Variants in KCNQ3 observed in about 807,000 individuals in gnomAD.
KCNQ3 encodes potassium voltage-gated channel subfamily Q member 3.
Under a neutral mutation model 92.5 loss-of-function variants are expected in KCNQ3, and 30 were observed. The ratio of observed to expected loss-of-function variants is 0.32; its 90% CI spans 0.24 to 0.44. The LOEUF is 0.44. Among genes scored for constraint, KCNQ3 ranks in the 20% least tolerant of loss-of-function variants. KCNQ3 has a pLI of 1.00. For missense variants in KCNQ3, 913 were observed against 1,140.3 expected, an observed-to-expected ratio of 0.80 and a Z score of 2.87; for synonymous variants, 450 against 468.8, an observed-to-expected ratio of 0.96 and a Z score of 0.52.
At chr8:132,145,038 T>C (rs1864772) in intron 9 of KCNQ3, among the ~76,000 whole-genome samples, 116,222 of 152,126 alleles carry the variant, frequency 0.76, 44,790 homozygotes, top group Admixed American at 0.85. Context: ...CCTGGAGACA[T>C]TTGGTCGTCA....
intron 3 of KCNQ3, among the ~76,000 whole-genome samples, chr8:132,182,515 G>T (rs930836195): frequency 6.6e-6 from 1 of 152,254 alleles, no homozygotes; most frequent in African/African-American, 2.4e-5. Flanking sequence ...GGTGGAGGGG[G>T]ACCTGGAGCT....
rs775455116 is a variant in KCNQ3 at position 132,365,526 on chromosome 8, C to T, written c.386+114621G>A. Among the ~76,000 whole-genome samples the T allele has an allele frequency of 3.3e-5, 5 of 152,222 alleles. No homozygotes were observed. In the South Asian group the frequency reaches 6.2e-4, roughly 19 times the overall value. On this transcript the variant is annotated intron_variant, in intron 1 of 14. Transcript: ENST00000388996. ...ATGTGAACTCCCAGGGTTTTCAGGC[C>T]GGCTCTGACATTTTGCAGCTGTGTG...
chr8:132,163,527 T>C (rs781747102), intron 8 of KCNQ3, 33 bp from the exon 9 acceptor site: 12 of 1,580,464 alleles, frequency 7.6e-6, no homozygotes, highest in Admixed American at 3.3e-5. Flanking sequence ...AAATAAAGCA[T>C]AAATTACGTG....
At chr8:132,431,588 G>T (rs1396089707) in intron 1 of KCNQ3, among the ~76,000 whole-genome samples, 1 of 152,048 alleles carries the variant, frequency 6.6e-6, no homozygotes, top group Admixed American at 6.6e-5. Context: ...TGGCTCACCT[G>T]AGAGAGGACC....
chr8:132,292,709 G>A (rs1586901460), intron 1 of KCNQ3, among the ~76,000 whole-genome samples: 1 of 152,126 alleles, frequency 6.6e-6, no homozygotes, highest in Non-Finnish European at 1.5e-5. Flanking sequence ...TTCATCCATG[G>A]TTCCTGGCTC....
At position 132,480,609 on chromosome 8, in the gene KCNQ3, A is replaced by AGGCGGCGGC; in HGVS notation, c.-86_-78dup. 8.3e-7 allele frequency: 1 copy of AGGCGGCGGC among 1,202,562 alleles called. No homozygotes were observed. Among genetic ancestry groups the AGGCGGCGGC allele is most frequent in the Non-Finnish European group, 1.1e-6 (1 of 948,282 alleles). The allele number at this position is 1,202,562 out of a possible 1,614,324, so 74.5% of individuals were successfully genotyped here. A position where few individuals can be genotyped will look rare whatever the true frequency, so the allele number is the denominator to read the frequency against. On this transcript the variant is annotated 5_prime_UTR_variant, in exon 1 of 15. Coordinates refer to ENST00000388996, the MANE Select transcript of KCNQ3 (RefSeq NM_004519.4). Reference sequence around the variant, plus strand: ...AAGGGGCGCTCGGGGTGCGTGAACGAGGCGGCGGCGGCGGCTGCAAGCCCG... The same window carrying AGGCGGCGGC: ...AAGGGGCGCTCGGGGTGCGTGAACGAGGCGGCGGCGGCGGCGGCGGCGGCTGCAAGCCCG...
At chr8:132,198,015 G>C (rs1415956974) in intron 1 of KCNQ3, among the ~76,000 whole-genome samples, 1 of 152,198 alleles carries the variant, frequency 6.6e-6, no homozygotes, top group Non-Finnish European at 1.5e-5. Flanking sequence ...TCTGCTTAAA[G>C]TTGGCTGGGA....
At chr8:132,400,545 G>A (rs759327665) in intron 1 of KCNQ3, among the ~76,000 whole-genome samples, 11 of 152,192 alleles carry the variant, frequency 7.2e-5, no homozygotes, top group Non-Finnish European at 1.0e-4. Context: ...TGATGCCACC[G>A]CGGGTCCCTG....
At chr8:132,192,587 C>T (rs1316015245) in intron 1 of KCNQ3, among the ~76,000 whole-genome samples, 1 of 152,108 alleles carries the variant, frequency 6.6e-6, no homozygotes, top group Non-Finnish European at 1.5e-5. Flanking sequence ...TCTTCCTTTT[C>T]GTCTGTCCTT....
intron 1 of KCNQ3, among the ~76,000 whole-genome samples, chr8:132,471,653 C>G (rs767025350): frequency 6.6e-6 from 1 of 152,094 alleles, no homozygotes; most frequent in Non-Finnish European, 1.5e-5. Flanking sequence ...AAAGTAAGAT[C>G]TGAAACTATA....
intron 1 of KCNQ3, among the ~76,000 whole-genome samples, chr8:132,462,697 GCT>G (rs995217622): frequency 6.6e-6 from 1 of 152,122 alleles, no homozygotes; most frequent in Non-Finnish European, 1.5e-5. Context: ...TTTTACTGAG[GCT>G]CTTTGTCCCC....
intron 1 of KCNQ3, among the ~76,000 whole-genome samples, chr8:132,307,346 C>T (rs966069918): frequency 6.6e-6 from 1 of 152,118 alleles, no homozygotes; most frequent in African/African-American, 2.4e-5. Flanking sequence ...CTACATACGC[C>T]CCTTAGGTTT....
intron 1 of KCNQ3, among the ~76,000 whole-genome samples, chr8:132,329,351 A>G (rs1818163163): frequency 6.6e-6 from 1 of 152,216 alleles, no homozygotes; most frequent in Non-Finnish European, 1.5e-5. Context: ...CTGTAACAGA[A>G]AACACTTAAA....
At chr8:132,304,926 G>T (rs148526650) in intron 1 of KCNQ3, among the ~76,000 whole-genome samples, 5 of 152,294 alleles carry the variant, frequency 3.3e-5, no homozygotes, top group Admixed American at 6.5e-5. Flanking sequence ...ATTGGGAAAT[G>T]AGGCAATTAG....
intron 1 of KCNQ3, among the ~76,000 whole-genome samples, chr8:132,443,114 C>A (rs1316102414): frequency 6.6e-6 from 1 of 152,278 alleles, no homozygotes; most frequent in South Asian, 2.1e-4. Flanking sequence ...ATTGCTAAGG[C>A]CCCGCTTGAG....
intron 8 of KCNQ3, among the ~76,000 whole-genome samples, chr8:132,169,845 AT>A (rs112229112): frequency 0.041 from 6,225 of 150,692 alleles, 438 homozygotes; most frequent in African/African-American, 0.14. Flanking sequence ...TAGGCATCAG[AT>A]TTTTTTTTTC....
chr8:132,379,691 C>A (rs567815835), intron 1 of KCNQ3, among the ~76,000 whole-genome samples: 8 of 152,158 alleles, frequency 5.3e-5, no homozygotes, highest in Non-Finnish European at 2.9e-5. Flanking sequence ...TCAAATAGAA[C>A]GTCCTTAATT....
At chr8:132,275,572 C>CA (rs1440559989) in intron 1 of KCNQ3, among the ~76,000 whole-genome samples, 4 of 140,636 alleles carry the variant, frequency 2.8e-5, no homozygotes, top group African/African-American at 9.9e-5. Flanking sequence ...TTATGAGCAC[C>CA]AGTGAAACCT....
chr8:132,426,140 T>C (rs1430122576), intron 1 of KCNQ3, among the ~76,000 whole-genome samples: 1 of 152,220 alleles, frequency 6.6e-6, no homozygotes, highest in Admixed American at 6.5e-5. Flanking sequence ...TGGGTTCAAA[T>C]TTCAGCTCTC....
Sources: allele counts gnomAD v4.1 joint callset (sites outside exome capture counted in the v4.1 genomes callset), GRCh38; gene constraint gnomAD v4.1.1; transcripts MANE v1.5; gene names NCBI Gene and HGNC (gene_info 2026-07-23, HGNC 2026-07-21).